Variants in FAM181A observed in about 807,000 individuals in gnomAD.
FAM181A encodes the protein family with sequence similarity 181 member A.
Under a neutral mutation model 16.3 loss-of-function variants are expected in FAM181A, and 7 were observed. The observed-to-expected ratio is 0.43, with a 90% CI of 0.24 to 0.81. FAM181A has a LOEUF of 0.81. FAM181A is among the 30% of genes least tolerant of loss of function. The probability of loss-of-function intolerance (pLI) is 0.24; values close to 1 mark genes in which losing one functional copy is unlikely to be tolerated. For missense variants in FAM181A, 349 were observed against 377.5 expected, an observed-to-expected ratio of 0.92 and a Z score of 0.63; for synonymous variants, 183 against 164.9, an observed-to-expected ratio of 1.11 and a Z score of -0.84.
upstream of FAM181A, chr14:93,925,433 C>T: frequency 6.7e-7 from 1 of 1,495,454 alleles, no homozygotes; most frequent in Non-Finnish European, 9.1e-7. Context: ...GCACACCAGC[C>T]TCACACAGTA....
At chr14:93,925,419 C>T, upstream of FAM181A, 3 of 1,551,274 alleles carry the variant, frequency 1.9e-6, no homozygotes, top group African/African-American at 1.4e-5. Flanking sequence ...AAACTGTTGG[C>T]TGTGCACACC....
In FAM181A at chr14:93,929,199, C is replaced by CT. The variant is rs768417483; in HGVS notation, c.*36dup. On this transcript the variant is annotated 3_prime_UTR_variant, in exon 2 of 2. Coordinates refer to ENST00000556222, the MANE Select transcript of FAM181A (RefSeq NM_001207073.2). The stretch of plus-strand genomic sequence containing the variant: ...GAGGGCCTCAGCCCCCACCTCTGGC[C>CT]TGCAGGAGTGTCGAGGTCCCCGAGG... The CT allele has an allele frequency of 2.7e-6, 4 of 1,504,490 alleles. No homozygotes were observed. In the East Asian group the frequency reaches 9.1e-5, roughly 34 times the overall value. 93.2% of individuals were successfully genotyped at this position (1,504,490 alleles called of 1,614,324 possible).
upstream of FAM181A, chr14:93,925,149 T>A (rs752192073): frequency 1.9e-5 from 16 of 861,852 alleles, no homozygotes; most frequent in Non-Finnish European, 2.7e-5. Flanking sequence ...GGAGGCTTAC[T>A]ACTGGCTAAG....
At chr14:93,926,063 G>A (rs918569177), upstream of FAM181A, among the ~76,000 whole-genome samples, 7 of 152,094 alleles carry the variant, frequency 4.6e-5, no homozygotes, top group African/African-American at 9.7e-5. The surrounding 1 kb of genome is among the most constrained non-coding windows in gnomAD (Gnocchi z 5.2). Flanking sequence ...GTGGGTTGGC[G>A]CACAGGCCAC....
rs1465167496 is a variant in FAM181A, at chr14:93,929,540, GTTC to G, written c.*382_*384del. On this transcript the variant is annotated 3_prime_UTR_variant, in exon 2 of 2. Transcript: ENST00000556222. The stretch of plus-strand genomic sequence containing the variant: ...CGAGCCAATCTCAGTTGTTGTTCTT[GTTC>G]TTCTTGTTCTTTGTAAATATTGAGA... The G allele has an allele frequency of 7.9e-6, 2 of 252,942 alleles. No homozygotes were observed. Among genetic ancestry groups the G allele is most frequent in the East Asian group, 7.6e-5 (1 of 13,220 alleles). 15.7% of individuals were successfully genotyped at this position (252,942 alleles called of 1,614,324 possible). A position where few individuals can be genotyped will look rare whatever the true frequency, so the allele number is the denominator to read the frequency against.
At chr14:93,920,872 TCTC>T (rs1218876557) in intron 1 of FAM181A, among the ~76,000 whole-genome samples, 11 of 152,140 alleles carry the variant, frequency 7.2e-5, no homozygotes, top group Non-Finnish European at 1.3e-4. Flanking sequence ...TGGGCTGAGC[TCTC>T]CTCTTTTCCT....
chr14:93,923,341 T>G (rs1301535688), upstream of FAM181A: 3 of 152,272 alleles, frequency 2.0e-5, no homozygotes, highest in Non-Finnish European at 2.9e-5. Context: ...CTGCCCCAGA[T>G]GAGCTCCTTG....
At chr14:93,928,062 A>C in intron 1 of FAM181A, 137 bp from the exon 2 acceptor site, 1 of 1,376,380 alleles carries the variant, frequency 7.3e-7, no homozygotes, top group South Asian at 1.4e-5. Flanking sequence ...TTGCACCCAC[A>C]TCCCTCTACC....
intron 1 of FAM181A, 142 bp from the exon 2 acceptor site, chr14:93,928,057 C>A: frequency 9.6e-6 from 13 of 1,352,806 alleles, no homozygotes; most frequent in Non-Finnish European, 1.3e-5. Flanking sequence ...GCCACTTGCA[C>A]CCACATCCCT....
intron 1 of FAM181A, among the ~76,000 whole-genome samples, chr14:93,919,310 CA>C (rs1887639072): frequency 6.6e-6 from 1 of 152,190 alleles, no homozygotes; most frequent in African/African-American, 2.4e-5. Flanking sequence ...ATAGGAGGCT[CA>C]GAGCTTACTG....
intron 1 of FAM181A, chr14:93,922,104 C>G (rs1887747625): frequency 6.6e-6 from 1 of 152,196 alleles, no homozygotes; most frequent in African/African-American, 2.4e-5. Flanking sequence ...CTTCCCCTCT[C>G]TGGGCCTCTC....
At position 93,928,480 on chromosome 14, in the gene FAM181A, G is replaced by T. The variant is rs1567013168; in HGVS notation, c.195G>T (p.Glu65Asp). The change falls in exon 2 of 2, where the codon GAG (glutamate) becomes GAT (aspartate). Residue 65 changes from glutamate to aspartate, a missense_variant. By Grantham distance (45) the Glu-to-Asp change is conservative. Transcript: ENST00000556222. ...GGGGCCTTCCTGGCAGAGCTGCTGA[G>T]CCCTACCTGAAAAGGGGGTCTGAGG... ...LPRGLPGRAA[E>D]PYLKRGSEDR... The T allele has an allele frequency of 6.2e-7, 1 of 1,610,592 alleles. No individual in the cohort carries two copies. Among genetic ancestry groups the T allele is most frequent in the Non-Finnish European group, 8.5e-7 (1 of 1,177,484 alleles).
chr14:93,928,082 G>A (rs557229493), intron 1 of FAM181A, 117 bp from the exon 2 acceptor site: 258 of 1,485,848 alleles, frequency 1.7e-4, no homozygotes, highest in South Asian at 3.1e-4. Flanking sequence ...CCAGGACTCT[G>A]TTTAGGGCTG....
At chr14:93,920,914 C>G (rs1375928675) in intron 1 of FAM181A, among the ~76,000 whole-genome samples, 2 of 152,186 alleles carry the variant, frequency 1.3e-5, no homozygotes, top group Non-Finnish European at 1.5e-5. Context: ...CTCACCAGCT[C>G]TAACCCCACT....
chr14:93,924,891 C>T (rs376691319), upstream of FAM181A, among the ~76,000 whole-genome samples: 35 of 152,332 alleles, frequency 2.3e-4, no homozygotes, highest in South Asian at 4.4e-3. Context: ...ACTACCCTCA[C>T]GGAGCTGCCC....
At chr14:93,918,958 G>C (rs1408334292) in exon 1 of FAM181A, 1 of 152,242 alleles carries the variant, frequency 6.6e-6, no homozygotes, top group African/African-American at 2.4e-5. Context: ...GCCTGGGAGA[G>C]TGACGAGGCC....
upstream of FAM181A, chr14:93,925,428 C>A: frequency 6.6e-7 from 1 of 1,512,466 alleles, no homozygotes; most frequent in Non-Finnish European, 9.1e-7. Context: ...GCTGTGCACA[C>A]CAGCCTCACA....
At chr14:93,925,143 G>A, upstream of FAM181A, 1 of 806,146 alleles carries the variant, frequency 1.2e-6, no homozygotes, top group South Asian at 1.6e-5. Flanking sequence ...TGGTGGGGAG[G>A]CTTACTACTG....
intron 1 of FAM181A, 38 bp from the exon 2 acceptor site, chr14:93,928,161 T>G: frequency 6.3e-7 from 1 of 1,597,356 alleles, no homozygotes; most frequent in Non-Finnish European, 8.5e-7. Flanking sequence ...TGGGTGTGGT[T>G]GCTTGGAGAG....
Sources: gnomAD v4.1 joint callset for allele counts (sites outside exome capture counted in the v4.1 genomes callset) on GRCh38, gnomAD v4.1.1 for gene constraint, Gnocchi (gnomAD v3.1) non-coding constraint, MANE v1.5 for transcripts, NCBI Gene and HGNC (gene_info 2026-07-23, HGNC 2026-07-21) for gene names.